ATXN10: variants seen among roughly 807,000 people sequenced by gnomAD.
ATXN10 encodes ataxin-10.
Under a neutral mutation model 52.9 loss-of-function variants are expected in ATXN10, and 28 were observed. The ratio of observed to expected loss-of-function variants is 0.53; its 90% confidence interval spans 0.39 to 0.73. The LOEUF is 0.73. Ranked by LOEUF, ATXN10 falls within the 30% of genes least tolerant of loss-of-function variation. The pLI is 0.00. For missense variants in ATXN10, 565 were observed against 577.0 expected (o/e 0.98, Z 0.21); for synonymous variants, 226 against 221.5 (o/e 1.02, Z -0.18).
rs540177269 is a variant in ATXN10 at position 45,763,676 on chromosome 22, A to C, written c.1173+23138A>C. 6.6e-6 allele frequency among the ~76,000 whole-genome samples: 1 copy of C among 152,142 alleles called. No homozygotes were observed. On this transcript the variant is annotated intron_variant, in intron 9 of 11. Coordinates refer to ENST00000252934, the MANE Select transcript of ATXN10 (RefSeq NM_013236.4). This position sits in a 1 kb window ranked among gnomAD's most constrained non-coding sequence, Gnocchi z 6.9. ...CTCTGTTCCTTCACTGCCACAGGTCAGACTGTCTTCATATGCATGCATTTA... is the reference window on the plus strand; with the variant it reads ...CTCTGTTCCTTCACTGCCACAGGTCCGACTGTCTTCATATGCATGCATTTA...
intron 10 of ATXN10, among the ~76,000 whole-genome samples, chr22:45,822,694 C>T (rs1488374750): frequency 1.3e-5 from 2 of 151,960 alleles, no homozygotes; most frequent in Non-Finnish European, 2.9e-5. Context: ...CCACACCTGG[C>T]TAATTTTTGT....
chr22:45,834,782 C>T (rs189244500), intron 10 of ATXN10, among the ~76,000 whole-genome samples: 29 of 152,286 alleles, frequency 1.9e-4, no homozygotes, highest in East Asian at 9.7e-4. Flanking sequence ...GCTCGTGCAC[C>T]GTGGCCTGAA....
In ATXN10 at chr22:45,705,955, A is replaced by C. The variant is rs1367270990; in HGVS notation, c.647+3108A>C. On this transcript the variant is annotated intron_variant, in intron 5 of 11. Coordinates refer to ENST00000252934, the MANE Select transcript of ATXN10 (RefSeq NM_013236.4). The surrounding 1 kb of genome is among the most constrained non-coding windows in gnomAD (Gnocchi z 5.2). ...CCTGAGCGCCACTTCTTGTCAGATC[A>C]TCAGCCACATTCGATTCTCTTAGGA... is the stretch of plus-strand genomic sequence containing the variant. Among the ~76,000 whole-genome samples the C allele has an allele frequency of 6.6e-6, 1 of 152,188 alleles. No homozygotes were observed. The highest frequency in any genetic ancestry group is 1.5e-5 in the Non-Finnish European group (1 of 68,030).
At chr22:45,788,988 C>T (rs1161058401) in intron 9 of ATXN10, among the ~76,000 whole-genome samples, 1 of 152,046 alleles carries the variant, frequency 6.6e-6, no homozygotes, top group East Asian at 1.9e-4. Flanking sequence ...GGACCGTCAC[C>T]CCCAAGATAC....
At position 45,781,027 on chromosome 22, in the gene ATXN10, C is replaced by A. The variant is rs1163465845; in HGVS notation, c.1174-25932C>A. 6.6e-6 allele frequency among the ~76,000 whole-genome samples: 1 copy of A among 152,144 alleles called. No homozygotes were observed. The highest frequency in any genetic ancestry group is 1.5e-5 in the Non-Finnish European group (1 of 68,010). ...CCCAGAAACACCAATGGGTGCAGAC[C>A]AGAAAGCCCTGAGGAAAGCTCACTC... On this transcript the variant is annotated intron_variant, in intron 9 of 11. Coordinates refer to ENST00000252934, the MANE Select transcript of ATXN10 (RefSeq NM_013236.4). This position sits in a 1 kb window ranked among gnomAD's most constrained non-coding sequence, Gnocchi z 4.2.
rs1187551235 is a variant in ATXN10, at chr22:45,700,501, G to T, written c.488+123G>T. 6.3e-5 allele frequency: 49 copies of T among 777,640 alleles called. 1 individual carries two copies. The Admixed American group carries it at 9.4e-4, about 15-fold the overall frequency. 48.2% of individuals were successfully genotyped at this position (777,640 alleles called of 1,614,324 possible). The stretch of plus-strand genomic sequence containing the variant: ...TGTAATAGAGTTCAGGATAGTAGTT[G>T]TTCTTGGTGGGTGGGTACCAGCTGG... On this transcript the variant is annotated intron_variant, in intron 4 of 11. Coordinates refer to ENST00000252934, the MANE Select transcript of ATXN10 (RefSeq NM_013236.4).
intron 10 of ATXN10, among the ~76,000 whole-genome samples, chr22:45,839,289 C>G (rs951063138): frequency 6.6e-6 from 1 of 152,236 alleles, no homozygotes; most frequent in Non-Finnish European, 1.5e-5. Context: ...GACAAAAATG[C>G]CTTTTCTGCT....
intron 9 of ATXN10, among the ~76,000 whole-genome samples, chr22:45,747,023 C>G (rs1280493213): frequency 6.6e-6 from 1 of 152,168 alleles, no homozygotes; most frequent in Non-Finnish European, 1.5e-5. Context: ...CTTAGTTATA[C>G]CACCGTTACC....
chr22:45,835,735 A>C lies in ATXN10; in HGVS notation c.1238-7256A>C, dbSNP rs1223771975. Reference sequence around the variant, plus strand: ...GCTTTTTCCCTCCGGAAAGACTGAAACTGCTCTTTCTTATAGTGTGTATTA... The same window carrying C: ...GCTTTTTCCCTCCGGAAAGACTGAACCTGCTCTTTCTTATAGTGTGTATTA... On this transcript the variant is annotated intron_variant, in intron 10 of 11. Coordinates refer to ENST00000252934, the MANE Select transcript of ATXN10 (RefSeq NM_013236.4). The surrounding 1 kb of genome is among the most constrained non-coding windows in gnomAD (Gnocchi z 5.0). Among the ~76,000 whole-genome samples, 2 of 152,106 alleles carry C rather than the reference A, an allele frequency of 1.3e-5. No homozygotes were observed. The highest frequency in any genetic ancestry group is 1.5e-5 in the Non-Finnish European group (1 of 68,010).
At position 45,832,031 on chromosome 22, in the gene ATXN10, G is replaced by A. The variant is rs180972817; in HGVS notation, c.1238-10960G>A. Among the ~76,000 whole-genome samples, 20 of 152,304 alleles carry A rather than the reference G, an allele frequency of 1.3e-4. No individual in the cohort carries two copies. The South Asian group carries it at 1.9e-3, about 14-fold the overall frequency. On this transcript the variant is annotated intron_variant, in intron 10 of 11. Transcript: ENST00000252934. Reference sequence around the variant, plus strand: ...TTGTGTAAATTGCCCAAAGCCGTGCGGCTTGTAAAGTGGCAGAGCCAGAAT... The same window carrying A: ...TTGTGTAAATTGCCCAAAGCCGTGCAGCTTGTAAAGTGGCAGAGCCAGAAT...
intron 9 of ATXN10, among the ~76,000 whole-genome samples, chr22:45,802,066 G>A (rs770080278): frequency 4.0e-4 from 61 of 152,226 alleles, no homozygotes; most frequent in South Asian, 1.2e-3. Flanking sequence ...TACCCTTAGC[G>A]GAGTGCCTAC....
rs754868532 is a variant in ATXN10 at position 45,718,481 on chromosome 22, A to G, written c.716A>G (p.Asn239Ser). 3.2e-5 allele frequency: 51 copies of G among 1,613,514 alleles called. No homozygotes were observed. Among genetic ancestry groups the G allele is most frequent in the Non-Finnish European group, 4.2e-5 (50 of 1,179,626 alleles). ...ELVQAMFPKL[N>S]NQERVTLLDL... ...GTACAAGCCATGTTTCCCAAACTGA[A>G]CAATCAAGAAAGGTAACCCCCCAAC... Residue 239 changes from asparagine to serine, a missense_variant, in exon 6 of 12, where the codon AAC (asparagine) becomes AGC (serine). Physicochemically the swap from Asn to Ser is conservative, Grantham distance 46. Transcript: ENST00000252934. This position sits in a 1 kb window ranked among gnomAD's most constrained non-coding sequence, Gnocchi z 4.4.
intron 1 of ATXN10, among the ~76,000 whole-genome samples, chr22:45,685,109 T>C (rs1212221988): frequency 1.4e-5 from 2 of 138,328 alleles, no homozygotes; most frequent in Non-Finnish European, 3.1e-5. Context: ...TTTTTTTTTT[T>C]CAGTAGGAGG....
rs1019341294 is a variant in ATXN10, at chr22:45,762,465, G to A, written c.1173+21927G>A. Among the ~76,000 whole-genome samples, 12 of 152,200 alleles carry A rather than the reference G, an allele frequency of 7.9e-5. No individual in the cohort carries two copies. The highest frequency in any genetic ancestry group is 3.9e-4 in the Admixed American group (6 of 15,284). On this transcript the variant is annotated intron_variant, in intron 9 of 11. Coordinates refer to ENST00000252934, the MANE Select transcript of ATXN10 (RefSeq NM_013236.4). The surrounding 1 kb of genome is among the most constrained non-coding windows in gnomAD (Gnocchi z 4.3). ...TCCACGGTGCATGTTCTGGCTGAGTGTTGGTGGGCTCCACCCTAGCCGAAC... is the reference window on the plus strand; with the variant it reads ...TCCACGGTGCATGTTCTGGCTGAGTATTGGTGGGCTCCACCCTAGCCGAAC...
At chr22:45,836,112 G>T (rs1321599177) in intron 10 of ATXN10, among the ~76,000 whole-genome samples, 5 of 152,178 alleles carry the variant, frequency 3.3e-5, no homozygotes, top group Non-Finnish European at 7.4e-5. Flanking sequence ...TTTGTGGTGG[G>T]TATTGAACAC....
chr22:45,711,323 C>T (rs1208347859), intron 5 of ATXN10, among the ~76,000 whole-genome samples: 1 of 151,664 alleles, frequency 6.6e-6, no homozygotes, highest in Non-Finnish European at 1.5e-5. Context: ...CTTGAAATGA[C>T]AAAATTACAG....
At chr22:45,729,973 T>C (rs1925024287) in intron 7 of ATXN10, among the ~76,000 whole-genome samples, 1 of 152,216 alleles carries the variant, frequency 6.6e-6, no homozygotes, top group Admixed American at 6.5e-5. Context: ...TCCATAGTAC[T>C]ATGTATATGG....
In ATXN10 at chr22:45,833,440, T is replaced by C. The variant is rs767493485; in HGVS notation, c.1238-9551T>C. ...TTGTCTGTTCTAAATCGCCAGAAGC[T>C]CCACCCTGTTCATGTTCTTCATTTA... On this transcript the variant is annotated intron_variant, in intron 10 of 11. Coordinates refer to ENST00000252934, the MANE Select transcript of ATXN10 (RefSeq NM_013236.4). The surrounding 1 kb of genome is among the most constrained non-coding windows in gnomAD (Gnocchi z 4.3). Among the ~76,000 whole-genome samples the C allele has an allele frequency of 3.3e-5, 5 of 152,200 alleles. No homozygotes were observed. Among genetic ancestry groups the C allele is most frequent in the Non-Finnish European group, 7.3e-5 (5 of 68,030 alleles).
chr22:45,813,799 A>C (rs996606947), intron 10 of ATXN10, among the ~76,000 whole-genome samples: 1 of 152,226 alleles, frequency 6.6e-6, no homozygotes, highest in Non-Finnish European at 1.5e-5. Flanking sequence ...TTTTTGTACA[A>C]ATATCCTATG....
Sources: allele counts gnomAD v4.1 joint callset (sites outside exome capture counted in the v4.1 genomes callset), GRCh38; gene constraint gnomAD v4.1.1; non-coding constraint Gnocchi (gnomAD v3.1); transcripts MANE v1.5; gene names NCBI Gene and HGNC (gene_info 2026-07-23, HGNC 2026-07-21).